The following DOCK10 variants were observed in gnomAD, a reference collection of about 807,000 sequenced individuals.
DOCK10 encodes dedicator of cytokinesis 10, also known as dedicator of cytokinesis protein 10.
DOCK10 carries 145 observed loss-of-function variants against 280.1 expected under a neutral mutation model. The ratio of observed to expected loss-of-function variants is 0.52; its 90% CI spans 0.45 to 0.59. The LOEUF is 0.59. Among genes scored for constraint, DOCK10 ranks in the 20% least tolerant of loss-of-function variants. The pLI, the probability that DOCK10 is intolerant of heterozygous loss-of-function variation, is 0.00. For synonymous variants in DOCK10, 915 were observed against 942.2 expected, an observed-to-expected ratio of 0.97 and a Z score of 0.53; for missense variants, 2,368 against 2,651.7, an observed-to-expected ratio of 0.89 and a Z score of 2.35.
intron 1 of DOCK10, among the ~76,000 whole-genome samples, chr2:225,028,811 A>G (rs1689995588): frequency 6.6e-6 from 1 of 152,224 alleles, no homozygotes. Context: ...GCTGCCAAGC[A>G]TAGGTCACAT....
chr2:224,841,422 C>T (rs1574919196), intron 23 of DOCK10, among the ~76,000 whole-genome samples: 1 of 151,944 alleles, frequency 6.6e-6, no homozygotes, highest in African/African-American at 2.4e-5. Context: ...GTATATTCTG[C>T]TGGTATTTTT....
chr2:224,885,554 C>A, intron 7 of DOCK10, 117 bp downstream of exon 7: 1 of 1,078,874 alleles, frequency 9.3e-7, no homozygotes, highest in Non-Finnish European at 1.2e-6. Context: ...TTGTTTTTCA[C>A]AGAATTCTTA....
chr2:224,886,440 C>A lies in DOCK10; in HGVS notation c.489+19G>T. ...TTATCCTCATGTTTTAAACATCTCA[C>A]TTTCAACTATTTACTTACTTCATCC... On this transcript the variant is annotated intron_variant, in intron 5 of 55. Transcript: ENST00000258390. The A allele has an allele frequency of 1.3e-6, 2 of 1,599,330 alleles. No homozygotes were observed. The highest frequency in any genetic ancestry group is 1.7e-6 in the Non-Finnish European group (2 of 1,169,284).
chr2:224,866,544 A>G (rs1697920978), intron 11 of DOCK10, among the ~76,000 whole-genome samples: 1 of 152,280 alleles, frequency 6.6e-6, no homozygotes, highest in Admixed American at 6.5e-5. Flanking sequence ...GCTACTCACC[A>G]AACACAACCC....
chr2:224,929,471 G>A (rs1030532354), intron 2 of DOCK10, among the ~76,000 whole-genome samples: 3 of 152,108 alleles, frequency 2.0e-5, no homozygotes, highest in South Asian at 2.1e-4. Context: ...ATGATGGGCC[G>A]GGATGGGGTG....
chr2:224,992,705 T>C (rs1274286004), intron 1 of DOCK10, among the ~76,000 whole-genome samples: 1 of 152,210 alleles, frequency 6.6e-6, no homozygotes, highest in East Asian at 1.9e-4. Context: ...CCTTCTTGTG[T>C]GAAGAGGTGG....
chr2:224,791,597 G>A (rs1306166928), intron 47 of DOCK10, among the ~76,000 whole-genome samples: 1 of 151,348 alleles, frequency 6.6e-6, no homozygotes, highest in Non-Finnish European at 1.5e-5. Context: ...CTGAGTAGCT[G>A]GGATTTATAG....
intron 1 of DOCK10, among the ~76,000 whole-genome samples, chr2:224,993,017 C>G (rs1283178574): frequency 2.6e-5 from 4 of 152,034 alleles, no homozygotes; most frequent in Admixed American, 2.6e-4. Context: ...AACAGTGTCA[C>G]AAAAGAGGTA....
intron 1 of DOCK10, among the ~76,000 whole-genome samples, chr2:224,980,771 G>A (rs1480426966): frequency 6.6e-6 from 1 of 152,152 alleles, no homozygotes; most frequent in Non-Finnish European, 1.5e-5. Context: ...CTGGTATTTA[G>A]CAGCTGTGTA....
intron 1 of DOCK10, among the ~76,000 whole-genome samples, chr2:224,961,430 C>CT (rs1315674402): frequency 8.0e-6 from 1 of 125,352 alleles, no homozygotes; most frequent in African/African-American, 2.9e-5. Context: ...TTCTTTCTTT[C>CT]TTTCTTTCTT....
At chr2:224,847,002 T>C (rs1696406757) in intron 19 of DOCK10, among the ~76,000 whole-genome samples, 2 of 152,222 alleles carry the variant, frequency 1.3e-5, no homozygotes, top group African/African-American at 4.8e-5. Context: ...GGAATTGATC[T>C]CTTTTTTTAA....
chr2:224,876,297 C>A, intron 7 of DOCK10, 76 bp from the exon 8 acceptor site: 1 of 1,308,466 alleles, frequency 7.6e-7, no homozygotes, highest in Non-Finnish European at 1.0e-6. Context: ...TTTATGTGGG[C>A]TTGAGGTTCC....
chr2:224,844,358 G>A (rs1399088590), intron 22 of DOCK10, among the ~76,000 whole-genome samples: 3 of 152,100 alleles, frequency 2.0e-5, no homozygotes, highest in Non-Finnish European at 4.4e-5. Context: ...TTGAACCCCC[G>A]ACCTCAGGTA....
At chr2:224,873,852 TG>T in intron 11 of DOCK10, 143 bp downstream of exon 11, 1 of 790,926 alleles carries the variant, frequency 1.3e-6, no homozygotes, top group Non-Finnish European at 2.0e-6. Flanking sequence ...TTGTGTAATG[TG>T]GGAAAAGGCT....
intron 28 of DOCK10, 57 bp downstream of exon 28, chr2:224,823,444 A>G: frequency 6.9e-7 from 1 of 1,457,280 alleles, no homozygotes; most frequent in Non-Finnish European, 9.1e-7. Flanking sequence ...AGTTTAGACT[A>G]TCTTGCATCC....
chr2:224,948,976 T>C (rs1242374940), intron 1 of DOCK10, among the ~76,000 whole-genome samples: 2 of 152,328 alleles, frequency 1.3e-5, no homozygotes, highest in East Asian at 3.9e-4. Flanking sequence ...ACTTCTGCAA[T>C]ATGAGAATGA....
chr2:224,960,767 T>G (rs1704323727), intron 1 of DOCK10, among the ~76,000 whole-genome samples: 1 of 119,218 alleles, frequency 8.4e-6, no homozygotes. Flanking sequence ...TGAGATGGAG[T>G]TTCGCTCTGT....
chr2:224,782,742 A>G (rs1446119955), intron 50 of DOCK10, among the ~76,000 whole-genome samples: 1 of 152,232 alleles, frequency 6.6e-6, no homozygotes, highest in Admixed American at 6.5e-5. Context: ...TGCGTGGGAC[A>G]CTAAAAAATT....
chr2:224,891,518 T>C (rs1328829067), intron 4 of DOCK10, among the ~76,000 whole-genome samples: 2 of 152,216 alleles, frequency 1.3e-5, no homozygotes, highest in African/African-American at 4.8e-5. Flanking sequence ...TTTAACGCTA[T>C]ATTACAACTT....
Sources: gnomAD v4.1 joint callset for allele counts (sites outside exome capture counted in the v4.1 genomes callset) on GRCh38, gnomAD v4.1.1 for gene constraint, MANE v1.5 for transcripts, NCBI Gene and HGNC (gene_info 2026-07-23, HGNC 2026-07-21) for gene names.